The following IQSEC1 variants were observed in gnomAD, a reference collection of about 807,000 sequenced individuals.
IQSEC1 encodes the protein IQ motif and SEC7 domain-containing protein 1.
IQSEC1 carries 31 observed loss-of-function variants against 91.0 expected under a neutral mutation model. That is an observed-to-expected ratio of 0.34 (90% CI 0.26 to 0.46). The LOEUF (loss-of-function observed/expected upper bound fraction) is 0.46. IQSEC1 is among the 20% of genes least tolerant of loss of function. The probability of loss-of-function intolerance (pLI) is 1.00; values close to 1 mark genes in which losing one functional copy is unlikely to be tolerated. For missense variants in IQSEC1, 1,388 were observed against 1,575.6 expected, an observed-to-expected ratio of 0.88 and a Z score of 2.02; for synonymous variants, 699 against 662.6, an observed-to-expected ratio of 1.05 and a Z score of -0.84.
intron 2 of IQSEC1, among the ~76,000 whole-genome samples, chr3:13,135,434 C>T (rs1321832238): frequency 6.6e-6 from 1 of 152,196 alleles, no homozygotes; most frequent in East Asian, 1.9e-4. Context: ...CAGGGAGGGG[C>T]GGCCACCTCT....
chr3:13,151,341 A>C (rs1706996159), intron 2 of IQSEC1, among the ~76,000 whole-genome samples: 2 of 152,196 alleles, frequency 1.3e-5, no homozygotes, highest in South Asian at 4.2e-4. Context: ...AGTCAGACAG[A>C]TTGCATTGTG....
chr3:13,071,428 G>A (rs413241), intron 1 of IQSEC1, among the ~76,000 whole-genome samples: 77,974 of 151,692 alleles, frequency 0.51, 20,246 homozygotes, highest in East Asian at 0.65. Context: ...TCCCCTCCCC[G>A]ATGTAACAGC....
chr3:13,256,133 T>C (rs1695281262), intron 1 of IQSEC1, among the ~76,000 whole-genome samples: 1 of 152,188 alleles, frequency 6.6e-6, no homozygotes, highest in East Asian at 1.9e-4. Context: ...CTATTGAAGA[T>C]AATAAATAAT....
Position 12,920,469 on chromosome 3 carries a change from G to C in IQSEC1, c.1981C>G (p.Arg661Gly), listed in dbSNP as rs762792731. The C allele has an allele frequency of 1.2e-6, 2 of 1,614,224 alleles. No homozygotes were observed. Among genetic ancestry groups the C allele is most frequent in the Non-Finnish European group, 1.7e-6 (2 of 1,180,038 alleles). Residue 661 changes from arginine (R) to glycine (G), a missense_variant, in exon 6 of 14, where the codon CGG (arginine) becomes GGG (glycine). Coordinates refer to ENST00000613206, the MANE Select transcript of IQSEC1 (RefSeq NM_001134382.3). ...ATGAAGTCCTCTAGCTTCATTTTCC[G>C]CTCGGGCTTGACATTGGGGCTGTAC... ...DMYSPNVKPERKMKLEDFIKN... is the reference protein window; with the variant it reads ...DMYSPNVKPEGKMKLEDFIKN...
At chr3:13,238,369 G>A (rs1694968247) in intron 1 of IQSEC1, among the ~76,000 whole-genome samples, 2 of 152,062 alleles carry the variant, frequency 1.3e-5, no homozygotes, top group South Asian at 4.1e-4. Flanking sequence ...CCAGCCCCAG[G>A]GCCAGCACAC....
intron 1 of IQSEC1, among the ~76,000 whole-genome samples, chr3:13,253,196 A>G (rs1695228486): frequency 6.6e-6 from 1 of 152,254 alleles, no homozygotes. Flanking sequence ...CCTATAGGAT[A>G]GTTACCATTA....
intron 1 of IQSEC1, among the ~76,000 whole-genome samples, chr3:13,021,238 C>T (rs1354084190): frequency 6.6e-6 from 1 of 152,212 alleles, no homozygotes; most frequent in Non-Finnish European, 1.5e-5. Flanking sequence ...GCCCTGGTCT[C>T]CCTCCTTCTG....
At chr3:13,230,352 C>A (rs1235357808) in intron 1 of IQSEC1, among the ~76,000 whole-genome samples, 1 of 152,182 alleles carries the variant, frequency 6.6e-6, no homozygotes, top group Non-Finnish European at 1.5e-5. Context: ...CAGGAATGAG[C>A]AGTGGCATTG....
rs1694517027 is a variant in IQSEC1, at chr3:13,215,000, T to G, written c.273-50867A>C. ...CCTAGACTAGGCCCTCAGACATGGT[T>G]CAGGGCTGGCAGGATGAGTAAGTGC... On this transcript the variant is annotated intron_variant, in intron 1 of 15. Transcript: ENST00000648114. The surrounding 1 kb of genome is among the most constrained non-coding windows in gnomAD (Gnocchi z 4.5). 6.6e-6 allele frequency among the ~76,000 whole-genome samples: 1 copy of G among 152,108 alleles called. No homozygotes were observed. The highest frequency in any genetic ancestry group is 2.1e-4 in the South Asian group (1 of 4,822).
At chr3:13,276,609 G>A (rs1378423081) in intron 1 of IQSEC1, among the ~76,000 whole-genome samples, 1 of 152,154 alleles carries the variant, frequency 6.6e-6, no homozygotes, top group African/African-American at 2.4e-5. Context: ...GCCTGCTACG[G>A]GGACAGGGCT....
At chr3:13,046,835 C>G (rs1704514022) in intron 1 of IQSEC1, among the ~76,000 whole-genome samples, 2 of 152,232 alleles carry the variant, frequency 1.3e-5, no homozygotes, top group Non-Finnish European at 2.9e-5. Context: ...ACACAGCCCT[C>G]TAAGCCACCT....
chr3:13,199,873 G>A (rs1176682891), intron 1 of IQSEC1, among the ~76,000 whole-genome samples: 1 of 151,322 alleles, frequency 6.6e-6, no homozygotes, highest in Non-Finnish European at 1.5e-5. Context: ...ACACACATAT[G>A]CCACACACAC....
Position 12,900,655 on chromosome 3 carries a change from G to GGC in IQSEC1, c.*326_*327dup. Reference sequence around the variant, plus strand: ...GGGTTTTCATATGCATGTACATTAGGGCACAGGGAGCTGAGAGCTGGAGTG... The same window carrying GGC: ...GGGTTTTCATATGCATGTACATTAGGGCGCACAGGGAGCTGAGAGCTGGAGTG... On this transcript the variant is annotated 3_prime_UTR_variant, in exon 14 of 14. Coordinates refer to ENST00000613206, the MANE Select transcript of IQSEC1 (RefSeq NM_001134382.3). 1 of 1,245,578 alleles carries GGC rather than the reference G, an allele frequency of 8.0e-7. No homozygotes were observed. Among genetic ancestry groups the GGC allele is most frequent in the Non-Finnish European group, 1.0e-6 (1 of 988,500 alleles). 77.2% of individuals were successfully genotyped at this position (1,245,578 alleles called of 1,614,324 possible). A position where few individuals can be genotyped will look rare whatever the true frequency, so the allele number is the denominator to read the frequency against.
rs1164265486 is a variant in IQSEC1, at chr3:12,909,583, A to AG, written c.2417-150dup. The AG allele has an allele frequency of 1.4e-6, 1 of 698,470 alleles. No individual in the cohort carries two copies. Among genetic ancestry groups the AG allele is most frequent in the Non-Finnish European group, 2.4e-6 (1 of 416,346 alleles). The allele number at this position is 698,470 out of a possible 1,614,324, so 43.3% of individuals were successfully genotyped here. A position where few individuals can be genotyped will look rare whatever the true frequency, so the allele number is the denominator to read the frequency against. ...TCCAGCCTCCGCAGTGGCAGGCTGC[A>AG]GGGGTGCAGAGCAACCTCATCTCCC... On this transcript the variant is annotated intron_variant, in intron 10 of 13. Transcript: ENST00000613206. The surrounding 1 kb of genome is among the most constrained non-coding windows in gnomAD (Gnocchi z 4.9).
chr3:13,031,280 T>A (rs1703831376), intron 1 of IQSEC1, among the ~76,000 whole-genome samples: 1 of 152,226 alleles, frequency 6.6e-6, no homozygotes, highest in Admixed American at 6.5e-5. Context: ...TATCAGGGAA[T>A]GGTGGTGACA....
At chr3:13,000,695 C>G (rs1702384265) in intron 1 of IQSEC1, among the ~76,000 whole-genome samples, 1 of 152,224 alleles carries the variant, frequency 6.6e-6, no homozygotes, top group African/African-American at 2.4e-5. Flanking sequence ...CCCTCAAGGG[C>G]TGCCCTGCTG....
chr3:13,057,065 G>A (rs1007722432), intron 1 of IQSEC1, among the ~76,000 whole-genome samples: 2 of 152,034 alleles, frequency 1.3e-5, no homozygotes, highest in Admixed American at 6.5e-5. Flanking sequence ...ACACAGAGAC[G>A]GGCGGTATCT....
intron 1 of IQSEC1, among the ~76,000 whole-genome samples, chr3:12,943,972 G>A (rs1052896930): frequency 1.3e-5 from 2 of 152,228 alleles, no homozygotes; most frequent in Non-Finnish European, 2.9e-5. Context: ...CTCCCCAGGA[G>A]CTGGGCCATG....
At chr3:13,194,751 G>A (rs779896788) in intron 1 of IQSEC1, among the ~76,000 whole-genome samples, 3 of 152,190 alleles carry the variant, frequency 2.0e-5, no homozygotes, top group East Asian at 3.9e-4. Context: ...GACCTGACCC[G>A]CAGAACAAAC....
Sources: gnomAD v4.1 joint callset for allele counts (sites outside exome capture counted in the v4.1 genomes callset) on GRCh38, gnomAD v4.1.1 for gene constraint, Gnocchi (gnomAD v3.1) non-coding constraint, MANE v1.5 for transcripts, NCBI Gene and HGNC (gene_info 2026-07-23, HGNC 2026-07-21) for gene names.